The following ZNF454 variants were observed in gnomAD, a reference collection of about 807,000 sequenced individuals.
ZNF454 encodes the protein zinc finger protein 454.
In ZNF454, 30 loss-of-function variants were observed where a neutral mutation model predicts 48.2. That is an observed-to-expected ratio of 0.62 (90% CI 0.47 to 0.84). The LOEUF is 0.84. Among genes scored for constraint, ZNF454 ranks in the 40% least tolerant of loss-of-function variants. The probability of loss-of-function intolerance (pLI) is 0.00; values close to 1 mark genes in which losing one functional copy is unlikely to be tolerated. For synonymous variants in ZNF454, 204 were observed against 211.4 expected, an observed-to-expected ratio of 0.97 and a Z score of 0.30; for missense variants, 510 against 623.1, an observed-to-expected ratio of 0.82 and a Z score of 1.93.
At chr5:178,953,691 C>T (rs998605854) in intron 4 of ZNF454, among the ~76,000 whole-genome samples, 1 of 152,184 alleles carries the variant, frequency 6.6e-6, no homozygotes, top group Non-Finnish European at 1.5e-5. Flanking sequence ...ATGGATCATT[C>T]AACTGGATAG....
intron 4 of ZNF454, among the ~76,000 whole-genome samples, chr5:178,957,571 A>T (rs945073846): frequency 1.3e-5 from 2 of 151,694 alleles, no homozygotes; most frequent in Non-Finnish European, 2.9e-5. Flanking sequence ...CACCACGTCC[A>T]GCTAATTTTT....
At chr5:178,947,191 G>T (rs1759375495) in intron 4 of ZNF454, among the ~76,000 whole-genome samples, 1 of 152,208 alleles carries the variant, frequency 6.6e-6, no homozygotes, top group African/African-American at 2.4e-5. Context: ...TCCCCGCAAT[G>T]ATTTTTCTTC....
At chr5:178,960,036 A>G (rs973884731) in intron 4 of ZNF454, among the ~76,000 whole-genome samples, 4 of 137,782 alleles carry the variant, frequency 2.9e-5, no homozygotes, top group African/African-American at 1.1e-4. Flanking sequence ...GCAACCTTGA[A>G]CTCCTGGGCT....
the ZNF454 span, chr5:178,981,284 G>A: frequency 7.5e-6 from 2 of 265,628 alleles, no homozygotes; most frequent in Non-Finnish European, 1.5e-5. The surrounding 1 kb of genome is among the most constrained non-coding windows in gnomAD (Gnocchi z 5.1). Context: ...CCAATCCCCA[G>A]GTTATGGGGG....
intron 4 of ZNF454, among the ~76,000 whole-genome samples, chr5:178,952,308 A>G (rs1377204772): frequency 2.6e-5 from 4 of 152,228 alleles, no homozygotes; most frequent in Admixed American, 2.6e-4. Flanking sequence ...AAGTGCTGGG[A>G]TTACAGGCGT....
chr5:178,946,430 G>C lies in ZNF454; in HGVS notation c.105G>C (p.Gln35His). ...QEEWGQLSPA[Q>H]RALYRDVMLE... ...AGTGGGGGCAGCTGAGCCCCGCCCA[G>C]AGGGCCCTGTACAGGGACGTGATGC... Residue 35 changes from glutamine (Q) to histidine (H), a missense_variant, in exon 3 of 5, where the codon CAG (glutamine) becomes CAC (histidine). By Grantham distance (24) the Gln-to-His change is conservative (BLOSUM62 0). Coordinates refer to ENST00000519564, the MANE Select transcript of ZNF454 (RefSeq NM_001178089.3). This position sits in a 1 kb window ranked among gnomAD's most constrained non-coding sequence, Gnocchi z 4.5. The C allele has an allele frequency of 6.2e-7, 1 of 1,613,140 alleles. No individual in the cohort carries two copies. The highest frequency in any genetic ancestry group is 1.1e-5 in the South Asian group (1 of 90,990).
chr5:178,982,050 G>A, the ZNF454 span, among the ~76,000 whole-genome samples: 1 of 152,222 alleles, frequency 6.6e-6, no homozygotes, highest in African/African-American at 2.4e-5. Context: ...CTCTGGTGTG[G>A]GCAGGAGGGA....
the ZNF454 span, among the ~76,000 whole-genome samples, chr5:178,977,672 C>A: frequency 2.0e-5 from 3 of 151,854 alleles, no homozygotes; most frequent in Non-Finnish European, 4.4e-5. Flanking sequence ...CGGGTTCAAG[C>A]GATTCTCCAG....
chr5:178,960,601 C>A (rs1759975599), intron 4 of ZNF454, among the ~76,000 whole-genome samples: 1 of 151,634 alleles, frequency 6.6e-6, no homozygotes, highest in Non-Finnish European at 1.5e-5. Context: ...ATTGAGGGTG[C>A]CATATGAACA....
chr5:178,973,380 A>G, the ZNF454 span, among the ~76,000 whole-genome samples: 1 of 152,230 alleles, frequency 6.6e-6, no homozygotes, highest in Admixed American at 6.5e-5. Context: ...AAAGTTTCCA[A>G]TTATTTTTCT....
chr5:178,973,482 T>G, the ZNF454 span, among the ~76,000 whole-genome samples: 1 of 152,150 alleles, frequency 6.6e-6, no homozygotes, highest in Non-Finnish European at 1.5e-5. Context: ...CTAATTCACC[T>G]CAGTAATACA....
the ZNF454 span, chr5:178,980,420 A>G: frequency 0.036 from 5,543 of 154,392 alleles, 182 homozygotes; most frequent in East Asian, 0.14. The surrounding 1 kb of genome is among the most constrained non-coding windows in gnomAD (Gnocchi z 4.3). Context: ...AGTACCTATG[A>G]GGAATGAAGG....
rs1759078558 is a variant in ZNF454, at chr5:178,941,334, C to T, written c.-218C>T. On this transcript the variant is annotated 5_prime_UTR_variant, in exon 1 of 5. Transcript: ENST00000519564. This position sits in a 1 kb window ranked among gnomAD's most constrained non-coding sequence, Gnocchi z 5.5. ...GGTGGTCAAAGCCGCAGAGGGAGAG[C>T]GGGAGCGGTCGTGAGGTCGTCTGGG... The T allele has an allele frequency of 6.6e-6, 3 of 453,992 alleles. No individual in the cohort carries two copies. Among genetic ancestry groups the T allele is most frequent in the Non-Finnish European group, 1.3e-5 (3 of 225,334 alleles). 28.1% of individuals were successfully genotyped at this position (453,992 alleles called of 1,614,324 possible).
chr5:178,943,139 A>G (rs1759178465), intron 2 of ZNF454, among the ~76,000 whole-genome samples: 1 of 152,226 alleles, frequency 6.6e-6, no homozygotes, highest in African/African-American at 2.4e-5. Flanking sequence ...AGCATGTATT[A>G]GTCCCTTTTT....
At chr5:178,982,010 G>A in the ZNF454 span, among the ~76,000 whole-genome samples, 38 of 152,298 alleles carry the variant, frequency 2.5e-4, no homozygotes, top group Non-Finnish European at 3.8e-4. Flanking sequence ...CAGGGGCCCC[G>A]CGCCTGAGGG....
At chr5:178,972,169 A>G in the ZNF454 span, among the ~76,000 whole-genome samples, 1 of 152,112 alleles carries the variant, frequency 6.6e-6, no homozygotes, top group Non-Finnish European at 1.5e-5. Flanking sequence ...CCTGATGTTG[A>G]GTGATCTGCC....
At chr5:178,954,247 G>A (rs982963416) in intron 4 of ZNF454, among the ~76,000 whole-genome samples, 3 of 152,180 alleles carry the variant, frequency 2.0e-5, no homozygotes, top group South Asian at 4.1e-4. Context: ...GGAGTGCCAG[G>A]CTGGACAACA....
the ZNF454 span, among the ~76,000 whole-genome samples, chr5:178,971,837 C>T: frequency 9.0e-6 from 1 of 111,708 alleles, no homozygotes; most frequent in South Asian, 3.5e-4. Flanking sequence ...GGCTGGGCAG[C>T]GAGACTCCAT....
chr5:178,955,123 G>A (rs1028582119), intron 4 of ZNF454, among the ~76,000 whole-genome samples: 3 of 152,198 alleles, frequency 2.0e-5, no homozygotes, highest in Non-Finnish European at 2.9e-5. Context: ...GTTTAACTCC[G>A]TAATAAACTG....
Sources: allele counts gnomAD v4.1 joint callset (sites outside exome capture counted in the v4.1 genomes callset), GRCh38; gene constraint gnomAD v4.1.1; non-coding constraint Gnocchi (gnomAD v3.1); transcripts MANE v1.5; gene names NCBI Gene and HGNC (gene_info 2026-07-23, HGNC 2026-07-21).